Variants in APOL1 observed in about 807,000 individuals in gnomAD.
APOL1 encodes apolipoprotein L 1.
APOL1 carries 17 observed loss-of-function variants against 14.9 expected under a neutral mutation model. That is an observed-to-expected ratio of 1.14 (90% CI 0.78 to 1.71). The LOEUF (loss-of-function observed/expected upper bound fraction) is 1.71. Ranked by LOEUF, APOL1 falls within the 40% of genes most tolerant of loss-of-function variation. The probability of loss-of-function intolerance (pLI) is 0.00; values close to 1 mark genes in which losing one functional copy is unlikely to be tolerated. For missense variants in APOL1, 523 were observed against 485.9 expected, an observed-to-expected ratio of 1.08 and a Z score of -0.72; for synonymous variants, 195 against 184.8, an observed-to-expected ratio of 1.05 and a Z score of -0.45.
chr22:36,265,307 G>T lies in APOL1; in HGVS notation c.471G>T (p.Arg157Ser), dbSNP rs1167328487. 2 of 1,613,124 alleles carry T rather than the reference G, an allele frequency of 1.2e-6. 1 individual carries two copies. Among genetic ancestry groups the T allele is most frequent in the South Asian group, 2.2e-5 (2 of 90,988 alleles). The part of the protein sequence containing the change: ...LKSELEDNIR[R>S]LRALADGVQK... ...GTGAGCTTGAGGATAACATAAGAAG[G>T]CTCCGTGCCCTTGCAGATGGGGTTC... is the stretch of plus-strand genomic sequence containing the variant. The change falls in exon 6 of 6, where the codon AGG becomes AGT. Residue 157 changes from arginine (R) to serine (S), a missense_variant. Physicochemically the swap from Arg to Ser is moderately radical, Grantham distance 110 (BLOSUM62 -1). Coordinates refer to ENST00000397278, the MANE Select transcript of APOL1 (RefSeq NM_003661.4).
intron 5 of APOL1, 88 bp from the exon 6 acceptor site, chr22:36,265,063 G>T (rs1006543583): frequency 6.6e-6 from 10 of 1,511,102 alleles, no homozygotes; most frequent in Non-Finnish European, 7.2e-6. Context: ...CACCCGCCTT[G>T]GCCTCCCAAA....
rs758884541 is a variant in APOL1 at position 36,254,940 on chromosome 22, GA to G, written c.-15del. The G allele has an allele frequency of 9.9e-6, 16 of 1,613,866 alleles. No homozygotes were observed. Among genetic ancestry groups the G allele is most frequent in the Non-Finnish European group, 4.2e-6 (5 of 1,179,878 alleles). Reference sequence around the variant, plus strand: ...AACCCCTCTTTTCCTGCTCAAGGAGGAGGCCCTGCAGCGACATGGAGGGAGC... The same window carrying G: ...AACCCCTCTTTTCCTGCTCAAGGAGGGGCCCTGCAGCGACATGGAGGGAGC... On this transcript the variant is annotated 5_prime_UTR_variant, in exon 2 of 6. Coordinates refer to ENST00000397278, the MANE Select transcript of APOL1 (RefSeq NM_003661.4).
chr22:36,257,555 C>A lies in APOL1; in HGVS notation c.187+148C>A, dbSNP rs543543398. On this transcript the variant is annotated intron_variant, in intron 4 of 5. Coordinates refer to ENST00000397278, the MANE Select transcript of APOL1 (RefSeq NM_003661.4). ...AGCAGCAGAAGAGGTCACGTGGAGT[C>A]CCCCGACCCAGGGGTCTGGGGGTCA... 2.1e-3 allele frequency: 1,711 copies of A among 817,950 alleles called. 13 individuals carry two copies. The highest frequency in any genetic ancestry group is 1.6e-3 in the Non-Finnish European group (799 of 485,828). The allele number at this position is 817,950 out of a possible 1,614,324, so 50.7% of individuals were successfully genotyped here.
At chr22:36,259,792 G>A (rs1355879131) in intron 4 of APOL1, 20 of 1,304,068 alleles carry the variant, frequency 1.5e-5, no homozygotes, top group Non-Finnish European at 2.0e-5. Context: ...ATGCCCCGTC[G>A]AAGAACCCCC....
rs761786418 is a variant in APOL1, at chr22:36,265,366, T to G, written c.530T>G (p.Val177Gly). The G allele has an allele frequency of 6.2e-7, 1 of 1,612,692 alleles. No individual in the cohort carries two copies. Among genetic ancestry groups the G allele is most frequent in the African/African-American group, 1.3e-5 (1 of 74,996 alleles). ...KVHKGTTIAN[V>G]VSGSLSISSG... ...CACAAAGGCACCACCATCGCCAATG[T>G]GGTGTCTGGCTCTCTCAGCATTTCC... Residue 177 changes from valine to glycine, a missense_variant, in exon 6 of 6, where the codon GTG (valine) becomes GGG (glycine). Val to Gly is a moderately radical substitution (Grantham distance 109). Transcript: ENST00000397278.
At chr22:36,258,489 G>A (rs953536732) in intron 4 of APOL1, among the ~76,000 whole-genome samples, 1 of 152,236 alleles carries the variant, frequency 6.6e-6, no homozygotes, top group African/African-American at 2.4e-5. Context: ...CCCTGGTCAC[G>A]TTGGTGCCAG....
chr22:36,259,743 GGA>G (rs1569533928), intron 4 of APOL1: 1 of 1,304,290 alleles, frequency 7.7e-7, no homozygotes, highest in East Asian at 5.5e-5. Flanking sequence ...GAGGCAACAT[GGA>G]GGTGCCTCAA....
intron 2 of APOL1, 100 bp from the exon 3 acceptor site, chr22:36,256,983 C>T (rs534854389): frequency 3.7e-6 from 5 of 1,335,530 alleles, no homozygotes; most frequent in Non-Finnish European, 5.2e-6. Context: ...ATTGTCAGAA[C>T]CTTCCTCCCC....
intron 4 of APOL1, chr22:36,259,522 C>A: frequency 8.7e-7 from 1 of 1,147,684 alleles, no homozygotes; most frequent in Non-Finnish European, 1.1e-6. Context: ...CTGGGCTGTG[C>A]TGAGTCCTGT....
At chr22:36,256,226 C>T (rs938529256) in intron 2 of APOL1, among the ~76,000 whole-genome samples, 7 of 152,072 alleles carry the variant, frequency 4.6e-5, no homozygotes, top group Admixed American at 3.9e-4. Flanking sequence ...GCCAGTAAGA[C>T]TGAAAGAAAG....
chr22:36,254,076 T>C, intron 1 of APOL1: 1 of 1,533,836 alleles, frequency 6.5e-7, no homozygotes, highest in East Asian at 2.3e-5. Context: ...ATTATTAAAA[T>C]CAAACATTTT....
chr22:36,263,522 C>T (rs2016139397), intron 5 of APOL1, among the ~76,000 whole-genome samples: 1 of 152,220 alleles, frequency 6.6e-6, no homozygotes, highest in Admixed American at 6.5e-5. Flanking sequence ...TGGTTGATCA[C>T]ACGGAAAGAA....
rs2015814537 is a variant in APOL1 at position 36,254,968 on chromosome 22, GCTTTGCTGAGAGT to G, written c.16_28del (p.Leu7SerfsTer6). ...GCCCTGCAGCGACATGGAGGGAGCTGCTTTGCTGAGAGTCTCTGTCCTCTGCATCTGGTGAGCT... is the reference window on the plus strand; with the variant it reads ...GCCCTGCAGCGACATGGAGGGAGCTGCTCTGTCCTCTGCATCTGGTGAGCT... On this transcript the variant is annotated frameshift_variant, in exon 2 of 6. Coordinates refer to ENST00000397278, the MANE Select transcript of APOL1 (RefSeq NM_003661.4). LOFTEE classifies it high-confidence loss of function. 6.2e-7 allele frequency: 1 copy of G among 1,614,042 alleles called. No homozygotes were observed. The highest frequency in any genetic ancestry group is 8.5e-7 in the Non-Finnish European group (1 of 1,179,996).
At chr22:36,258,935 C>T (rs1037035243) in intron 4 of APOL1, among the ~76,000 whole-genome samples, 1 of 152,126 alleles carries the variant, frequency 6.6e-6, no homozygotes, top group Non-Finnish European at 1.5e-5. Context: ...CTGAATTGGC[C>T]ACTTCCTGTT....
rs1411850009 is a variant in APOL1 at position 36,266,944 on chromosome 22, A to AG, written c.*912dup. ...AAAGAATATATTGACGGAAGAATAG[A>AG]GAGGAGGCTTGAAGGAACCAGCAAT... On this transcript the variant is annotated 3_prime_UTR_variant, in exon 6 of 6. Coordinates refer to ENST00000397278, the MANE Select transcript of APOL1 (RefSeq NM_003661.4). 3 of 159,304 alleles carry AG rather than the reference A, an allele frequency of 1.9e-5. No homozygotes were observed. The highest frequency in any genetic ancestry group is 7.2e-5 in the African/African-American group (3 of 41,676). 9.9% of individuals were successfully genotyped at this position (159,304 alleles called of 1,614,324 possible). A position where few individuals can be genotyped will look rare whatever the true frequency, so the allele number is the denominator to read the frequency against.
intron 1 of APOL1, chr22:36,253,964 T>C (rs1253177335): frequency 2.5e-6 from 4 of 1,614,172 alleles, no homozygotes; most frequent in Non-Finnish European, 3.4e-6. Flanking sequence ...TTTGCAATCA[T>C]GAGATTCAAA....
chr22:36,256,157 A>T (rs1603481959), intron 2 of APOL1, among the ~76,000 whole-genome samples: 1 of 152,192 alleles, frequency 6.6e-6, no homozygotes, highest in South Asian at 2.1e-4. Flanking sequence ...TAGTTCTCAT[A>T]TTTATATGTT....
intron 1 of APOL1, chr22:36,253,741 G>A (rs1194821808): frequency 8.7e-6 from 5 of 576,414 alleles, no homozygotes; most frequent in African/African-American, 7.5e-5. Context: ...GAGGCCCTGG[G>A]AGCGGAATGA....
chr22:36,253,500 G>A (rs2015757277), intron 1 of APOL1, among the ~76,000 whole-genome samples: 2 of 152,216 alleles, frequency 1.3e-5, no homozygotes, highest in African/African-American at 4.8e-5. Flanking sequence ...TTTGTGTTGG[G>A]GGTGCCCATC....
Sources: gnomAD v4.1 joint callset for allele counts (sites outside exome capture counted in the v4.1 genomes callset) on GRCh38, gnomAD v4.1.1 for gene constraint, MANE v1.5 for transcripts, NCBI Gene and HGNC (gene_info 2026-07-23, HGNC 2026-07-21) for gene names.